SLC14A2: variants seen among roughly 807,000 people sequenced by gnomAD.
SLC14A2 encodes the protein solute carrier family 14 member 2, also known as urea transporter 2.
A neutral mutation model predicts 104.6 loss-of-function variants in SLC14A2; 91 were observed. The observed-to-expected ratio is 0.87, with a 90% CI of 0.73 to 1.04. The LOEUF is 1.04. Among genes scored for constraint, SLC14A2 ranks in the 50% least tolerant of loss-of-function variants. The pLI, the probability that SLC14A2 is intolerant of heterozygous loss-of-function variation, is 0.00. For missense variants in SLC14A2, 1,189 were observed against 1,156.0 expected (o/e 1.03, Z -0.41); for synonymous variants, 476 against 466.4 (o/e 1.02, Z -0.27).
At chr18:45,291,485 T>C (rs553055763) in intron 1 of SLC14A2, among the ~76,000 whole-genome samples, 4 of 152,280 alleles carry the variant, frequency 2.6e-5, no homozygotes, top group African/African-American at 7.2e-5. Context: ...TGGGTGGTGC[T>C]ACTTATTGCC....
At chr18:45,523,617 G>T (rs2043549462) in intron 2 of SLC14A2, among the ~76,000 whole-genome samples, 1 of 151,280 alleles carries the variant, frequency 6.6e-6, no homozygotes, top group Non-Finnish European at 1.5e-5. Context: ...TTACAGGTGT[G>T]AGCCACCACA....
At chr18:45,674,661 C>G (rs1179841849) in intron 18 of SLC14A2, among the ~76,000 whole-genome samples, 1 of 151,966 alleles carries the variant, frequency 6.6e-6, no homozygotes, top group Non-Finnish European at 1.5e-5. Flanking sequence ...TAGCCATTCA[C>G]CTAACACCCA....
chr18:45,255,759 G>T (rs1015660732), intron 1 of SLC14A2, among the ~76,000 whole-genome samples: 1 of 152,030 alleles, frequency 6.6e-6, no homozygotes, highest in Non-Finnish European at 1.5e-5. Context: ...GTTTTAACTA[G>T]CAGGGGGAAA....
the SLC14A2 span, among the ~76,000 whole-genome samples, chr18:45,201,551 AGTGT>A: frequency 2.1e-3 from 307 of 149,604 alleles, 4 homozygotes; most frequent in East Asian, 0.027. Context: ...GTATGTGTGT[AGTGT>A]GTGTGTGTGT....
intron 1 of SLC14A2, among the ~76,000 whole-genome samples, chr18:45,622,380 C>T (rs960926365): frequency 6.6e-6 from 1 of 152,042 alleles, no homozygotes; most frequent in African/African-American, 2.4e-5. Flanking sequence ...AGGTGGTCAC[C>T]TGTGAGGGAG....
At chr18:45,500,813 C>G (rs763440422) in intron 2 of SLC14A2, among the ~76,000 whole-genome samples, 1 of 152,184 alleles carries the variant, frequency 6.6e-6, no homozygotes, top group Non-Finnish European at 1.5e-5. Context: ...TACCTTTTCA[C>G]CAGGTTCTAT....
chr18:45,535,341 G>T (rs1321624000), intron 2 of SLC14A2, among the ~76,000 whole-genome samples: 2 of 152,208 alleles, frequency 1.3e-5, no homozygotes, highest in Non-Finnish European at 2.9e-5. Flanking sequence ...TTTGTTGGAA[G>T]CGTAATTGGT....
chr18:45,333,578 A>G (rs185994105), intron 1 of SLC14A2, among the ~76,000 whole-genome samples: 4 of 152,364 alleles, frequency 2.6e-5, no homozygotes, highest in African/African-American at 7.2e-5. Context: ...GTAAATTGCA[A>G]TCAGTTAACT....
chr18:45,355,899 C>T (rs1259542819), intron 1 of SLC14A2, among the ~76,000 whole-genome samples: 1 of 152,052 alleles, frequency 6.6e-6, no homozygotes, highest in Non-Finnish European at 1.5e-5. Context: ...TTAATCTCAA[C>T]CAAGGTATAA....
chr18:45,296,794 T>A (rs2084921716), intron 1 of SLC14A2, among the ~76,000 whole-genome samples: 1 of 151,858 alleles, frequency 6.6e-6, no homozygotes, highest in South Asian at 2.1e-4. Flanking sequence ...TATGACAACT[T>A]CCTTTCTGAA....
intron 2 of SLC14A2, among the ~76,000 whole-genome samples, chr18:45,494,568 A>T (rs4890546): frequency 0.84 from 126,565 of 150,932 alleles, 53,157 homozygotes; most frequent in Non-Finnish European, 0.86. Context: ...CAGAAAAAAA[A>T]TTTTTTTTTT....
intron 2 of SLC14A2, among the ~76,000 whole-genome samples, chr18:45,517,158 T>C (rs1410291652): frequency 1.3e-5 from 2 of 152,150 alleles, no homozygotes; most frequent in Non-Finnish European, 2.9e-5. Flanking sequence ...ACCTCCATCT[T>C]GTGGGCTTCA....
At chr18:45,233,590 G>A (rs1457694251) in intron 1 of SLC14A2, among the ~76,000 whole-genome samples, 1 of 152,188 alleles carries the variant, frequency 6.6e-6, no homozygotes, top group African/African-American at 2.4e-5. Context: ...TGAACAAAAA[G>A]TTAAGTTGCG....
chr18:45,387,344 C>A (rs962715378), intron 1 of SLC14A2, among the ~76,000 whole-genome samples: 1 of 152,166 alleles, frequency 6.6e-6, no homozygotes, highest in Non-Finnish European at 1.5e-5. Context: ...CCCTGCCCCC[C>A]AAACAAGGAG....
At chr18:45,442,246 G>T (rs2086692691) in intron 1 of SLC14A2, among the ~76,000 whole-genome samples, 1 of 152,154 alleles carries the variant, frequency 6.6e-6, no homozygotes, top group Non-Finnish European at 1.5e-5. Flanking sequence ...AGGCTTTGTG[G>T]TAGTATGCTA....
intron 1 of SLC14A2, among the ~76,000 whole-genome samples, chr18:45,245,872 C>T (rs2084363367): frequency 6.6e-6 from 1 of 152,220 alleles, no homozygotes; most frequent in African/African-American, 2.4e-5. Context: ...GTGGAATTTT[C>T]AAGCTCCCAT....
intron 1 of SLC14A2, among the ~76,000 whole-genome samples, chr18:45,406,042 AC>A (rs760315172): frequency 2.0e-4 from 30 of 152,152 alleles, no homozygotes; most frequent in Admixed American, 3.3e-4. Context: ...ACAACAGTGA[AC>A]TTTGCTGTAT....
chr18:45,658,807 T>C (rs549932463), intron 10 of SLC14A2, among the ~76,000 whole-genome samples: 27 of 152,266 alleles, frequency 1.8e-4, no homozygotes, highest in African/African-American at 6.3e-4. Context: ...ACCTCTGATA[T>C]TTGAACAGTT....
chr18:45,270,658 C>T (rs1005600272), intron 1 of SLC14A2, among the ~76,000 whole-genome samples: 2 of 152,080 alleles, frequency 1.3e-5, no homozygotes, highest in African/African-American at 4.8e-5. Context: ...TCTATCATAA[C>T]AATAACTGGC....
Sources: gnomAD v4.1 joint callset for allele counts (sites outside exome capture counted in the v4.1 genomes callset) on GRCh38, gnomAD v4.1.1 for gene constraint, MANE v1.5 for transcripts, NCBI Gene and HGNC (gene_info 2026-07-23, HGNC 2026-07-21) for gene names.